Variants in ZMAT4 observed in about 807,000 individuals in gnomAD.
The protein encoded by ZMAT4 is zinc finger matrin-type 4, also known as zinc finger matrin-type protein 4.
Under a neutral mutation model 28.7 loss-of-function variants are expected in ZMAT4, and 17 were observed. That is an observed-to-expected ratio of 0.59 (90% CI 0.41 to 0.89). The LOEUF is 0.89. Ranked by LOEUF, ZMAT4 falls within the 40% of genes least tolerant of loss-of-function variation. The pLI is 0.00. For synonymous variants in ZMAT4, 117 were observed against 109.2 expected, an observed-to-expected ratio of 1.07 and a Z score of -0.44; for missense variants, 240 against 283.8, an observed-to-expected ratio of 0.85 and a Z score of 1.11.
At chr8:40,733,929 C>A (rs1157659182) in intron 3 of ZMAT4, among the ~76,000 whole-genome samples, 2 of 152,222 alleles carry the variant, frequency 1.3e-5, no homozygotes, top group Middle Eastern at 3.4e-3. Context: ...TAATAATTAG[C>A]TACATCCAGA....
At chr8:40,591,888 A>G (rs1585727365) in intron 5 of ZMAT4, among the ~76,000 whole-genome samples, 2 of 152,238 alleles carry the variant, frequency 1.3e-5, no homozygotes, top group East Asian at 3.9e-4. Context: ...CATTAAAGTC[A>G]GAACTAGTAA....
chr8:40,840,605 G>A (rs1223215107), intron 1 of ZMAT4, among the ~76,000 whole-genome samples: 1 of 152,186 alleles, frequency 6.6e-6, no homozygotes, highest in African/African-American at 2.4e-5. Context: ...ACCTCCGTTA[G>A]TCAGAGAGCA....
chr8:40,741,393 G>A (rs563016829), intron 3 of ZMAT4, among the ~76,000 whole-genome samples: 1 of 150,612 alleles, frequency 6.6e-6, no homozygotes, highest in South Asian at 2.1e-4. Flanking sequence ...GTTGCAGTGA[G>A]CCTAAATTGC....
intron 4 of ZMAT4, among the ~76,000 whole-genome samples, chr8:40,691,726 T>C (rs1809673515): frequency 6.6e-6 from 1 of 152,194 alleles, no homozygotes; most frequent in South Asian, 2.1e-4. Context: ...TAGTAAGTAT[T>C]TTACTTATAT....
chr8:40,727,463 G>C (rs2150523254), intron 3 of ZMAT4, among the ~76,000 whole-genome samples: 1 of 152,256 alleles, frequency 6.6e-6, no homozygotes, highest in South Asian at 2.1e-4. Context: ...ATCCAACCAC[G>C]ATGCCACCCG....
rs1585871570 is a variant in ZMAT4, at chr8:40,682,592, G to A, written c.350-7661C>T. On this transcript the variant is annotated intron_variant, in intron 4 of 6. Coordinates refer to ENST00000297737, the MANE Select transcript of ZMAT4 (RefSeq NM_024645.3). ...TTTATACCACAAAGGAAATTAAAAA[G>A]CACTATAATATATCCGATGTTTCAA... Among the ~76,000 whole-genome samples, 4 of 152,160 alleles carry A rather than the reference G, an allele frequency of 2.6e-5. No homozygotes were observed. The South Asian group carries it at 8.3e-4, about 32-fold the overall frequency.
intron 2 of ZMAT4, among the ~76,000 whole-genome samples, chr8:40,805,054 C>A (rs1815021622): frequency 6.6e-6 from 1 of 150,586 alleles, no homozygotes; most frequent in Non-Finnish European, 1.5e-5. Context: ...ACTCATCTGA[C>A]AAAGGGCTAA....
chr8:40,792,900 G>A lies in ZMAT4; in HGVS notation c.103-25170C>T, dbSNP rs901967764. ...CTAGCTATATAATGTTCTAAATAAT[G>A]GAAAACTATGGACATGGCAAAAAGA... On this transcript the variant is annotated intron_variant, in intron 2 of 6. Transcript: ENST00000297737. Among the ~76,000 whole-genome samples, 4 of 151,910 alleles carry A rather than the reference G, an allele frequency of 2.6e-5. No individual in the cohort carries two copies. In the East Asian group the frequency reaches 5.8e-4, roughly 22 times the overall value.
At chr8:40,798,507 T>G (rs9298604) in intron 2 of ZMAT4, among the ~76,000 whole-genome samples, 1 of 151,698 alleles carries the variant, frequency 6.6e-6, no homozygotes, top group Non-Finnish European at 1.5e-5. Flanking sequence ...TACCTCTTAC[T>G]CCCTGACTGA....
intron 1 of ZMAT4, among the ~76,000 whole-genome samples, chr8:40,893,817 C>T (rs546807298): frequency 1.8e-4 from 28 of 152,306 alleles, no homozygotes; most frequent in African/African-American, 6.0e-4. Flanking sequence ...TTCTTACCCT[C>T]GTCCCACCCT....
intron 3 of ZMAT4, among the ~76,000 whole-genome samples, chr8:40,738,145 A>G (rs922309981): frequency 6.6e-6 from 1 of 152,170 alleles, no homozygotes; most frequent in Non-Finnish European, 1.5e-5. Flanking sequence ...TTCTGACTAG[A>G]AGTTTATATA....
chr8:40,756,814 C>A (rs948652262), intron 3 of ZMAT4, among the ~76,000 whole-genome samples: 1 of 151,942 alleles, frequency 6.6e-6, no homozygotes, highest in African/African-American at 2.4e-5. Flanking sequence ...CAATATGTAA[C>A]CTCATTTTAC....
chr8:40,881,230 C>G (rs916542445), intron 1 of ZMAT4, among the ~76,000 whole-genome samples: 17 of 151,206 alleles, frequency 1.1e-4, no homozygotes, highest in African/African-American at 2.9e-4. Context: ...TTTGTAGAAA[C>G]AAAAAAATAT....
chr8:40,834,959 A>G (rs536977992), intron 1 of ZMAT4, among the ~76,000 whole-genome samples: 13 of 152,220 alleles, frequency 8.5e-5, no homozygotes, highest in Non-Finnish European at 1.2e-4. Flanking sequence ...GCGGTAATGC[A>G]CAGCAAGCCC....
chr8:40,577,890 T>C (rs890247646), intron 6 of ZMAT4, among the ~76,000 whole-genome samples: 1 of 151,946 alleles, frequency 6.6e-6, no homozygotes, highest in African/African-American at 2.4e-5. Flanking sequence ...TAAATAAAGA[T>C]GTTTAAGACC....
intron 4 of ZMAT4, among the ~76,000 whole-genome samples, chr8:40,679,089 G>A: frequency 6.6e-6 from 1 of 152,090 alleles, no homozygotes. Context: ...TCTAAGGCTT[G>A]AGCTAATTGA....
At chr8:40,881,959 C>T (rs1229874863) in intron 1 of ZMAT4, among the ~76,000 whole-genome samples, 1 of 152,112 alleles carries the variant, frequency 6.6e-6, no homozygotes, top group Non-Finnish European at 1.5e-5. Flanking sequence ...AGGATGAGAG[C>T]CCCAGAAAGC....
chr8:40,832,577 A>C lies in ZMAT4; in HGVS notation c.-4-6897T>G, dbSNP rs576844107. Among the ~76,000 whole-genome samples the C allele has an allele frequency of 2.6e-5, 4 of 152,292 alleles. No homozygotes were observed. The East Asian group carries it at 7.7e-4, about 29-fold the overall frequency. ...CACCAAACAGCCTGGCCCCGAGCCCAGCTGCCCTTGGCAGTGCTGACCAGC... is the reference window on the plus strand; with the variant it reads ...CACCAAACAGCCTGGCCCCGAGCCCCGCTGCCCTTGGCAGTGCTGACCAGC... On this transcript the variant is annotated intron_variant, in intron 1 of 6. Coordinates refer to ENST00000297737, the MANE Select transcript of ZMAT4 (RefSeq NM_024645.3).
At chr8:40,539,806 G>A (rs1802969259) in intron 6 of ZMAT4, among the ~76,000 whole-genome samples, 1 of 152,200 alleles carries the variant, frequency 6.6e-6, no homozygotes, top group African/African-American at 2.4e-5. Context: ...CTAAGCCCTT[G>A]GGATTTCCCA....
Sources: allele counts gnomAD v4.1 joint callset (sites outside exome capture counted in the v4.1 genomes callset), GRCh38; gene constraint gnomAD v4.1.1; transcripts MANE v1.5; gene names NCBI Gene and HGNC (gene_info 2026-07-23, HGNC 2026-07-21).